The following OSBP variants were observed in gnomAD, a reference collection of about 807,000 sequenced individuals.
OSBP encodes the protein oxysterol binding protein.
Under a neutral mutation model 96.6 loss-of-function variants are expected in OSBP, and 32 were observed. The observed-to-expected ratio is 0.33, with a 90% confidence interval of 0.25 to 0.45. OSBP has a LOEUF of 0.45. Among genes scored for constraint, OSBP ranks in the 20% least tolerant of loss-of-function variants. The pLI, the probability that OSBP is intolerant of heterozygous loss-of-function variation, is 1.00. For missense variants in OSBP, 653 were observed against 1,029.7 expected, an observed-to-expected ratio of 0.63 and a Z score of 5.01; for synonymous variants, 369 against 389.6, an observed-to-expected ratio of 0.95 and a Z score of 0.62.
chr11:59,578,148 C>T lies in OSBP; in HGVS notation c.2060+1G>A. ...TGGGCAGCATGCATGCTGATACTCA[C>T]GGTAAAGGATTCCTTTTCCACAGCA... On this transcript the variant is annotated splice_donor_variant, in intron 12 of 13. Coordinates refer to ENST00000263847, the MANE Select transcript of OSBP (RefSeq NM_002556.3). LOFTEE classifies it high-confidence loss of function. 3 of 1,613,764 alleles carry T rather than the reference C, an allele frequency of 1.9e-6. No homozygotes were observed. Among genetic ancestry groups the T allele is most frequent in the Non-Finnish European group, 2.5e-6 (3 of 1,179,688 alleles).
At chr11:59,587,228 C>A (rs989272960) in intron 9 of OSBP, among the ~76,000 whole-genome samples, 14 of 152,074 alleles carry the variant, frequency 9.2e-5, no homozygotes, top group Non-Finnish European at 1.8e-4. Flanking sequence ...AGGCTGGGTA[C>A]GGCAGCTCAC....
Position 59,615,586 on chromosome 11 carries a change from G to T in OSBP, c.79C>A (p.Pro27Thr), listed in dbSNP as rs1322169645. ...CCGCCGCCTCCTCCCACCACTGGGG[G>T]ACCGGCGCCGCCGCCGCCAAGTGCT... is the stretch of plus-strand genomic sequence containing the variant. ...IAALGGGGAG[P>T]PVVGGGGGRG... is the part of the protein sequence containing the mutation. The change falls in exon 1 of 14, where the codon CCC (proline) becomes ACC (threonine). Residue 27 changes from proline to threonine, a missense_variant. Coordinates refer to ENST00000263847, the MANE Select transcript of OSBP (RefSeq NM_002556.3). 2.2e-6 allele frequency: 3 copies of T among 1,373,088 alleles called. No individual in the cohort carries two copies. Among genetic ancestry groups the T allele is most frequent in the African/African-American group, 1.5e-5 (1 of 66,496 alleles). 85.1% of individuals were successfully genotyped at this position (1,373,088 alleles called of 1,614,324 possible). A position where few individuals can be genotyped will look rare whatever the true frequency, so the allele number is the denominator to read the frequency against.
At chr11:59,605,307 G>A (rs1407515627) in intron 3 of OSBP, among the ~76,000 whole-genome samples, 1 of 152,128 alleles carries the variant, frequency 6.6e-6, no homozygotes, top group Non-Finnish European at 1.5e-5. Context: ...TCGACTAACA[G>A]TCAATTACCA....
At position 59,610,282 on chromosome 11, in the gene OSBP, G is replaced by C. The variant is rs1206394221; in HGVS notation, c.571+99C>G. On this transcript the variant is annotated intron_variant, in intron 2 of 13. Transcript: ENST00000263847. ...AGAAGCTTGAGACCTCTAGGAAATAGGTGATAATCAAATGACACAGCATAA... is the reference window on the plus strand; with the variant it reads ...AGAAGCTTGAGACCTCTAGGAAATACGTGATAATCAAATGACACAGCATAA... 8 of 996,628 alleles carry C rather than the reference G, an allele frequency of 8.0e-6. No individual in the cohort carries two copies. The East Asian group carries it at 1.2e-4, about 15-fold the overall frequency. The allele number at this position is 996,628 out of a possible 1,614,324, so 61.7% of individuals were successfully genotyped here.
chr11:59,585,161 G>A (rs887410644), intron 9 of OSBP, among the ~76,000 whole-genome samples: 5 of 151,206 alleles, frequency 3.3e-5, no homozygotes, highest in Non-Finnish European at 5.9e-5. Flanking sequence ...GAGCGTCTCT[G>A]CCCGGCCGCC....
intron 7 of OSBP, among the ~76,000 whole-genome samples, chr11:59,598,948 A>T (rs1233198412): frequency 6.6e-6 from 1 of 152,226 alleles, no homozygotes; most frequent in East Asian, 1.9e-4. Flanking sequence ...GCTAGCTGGA[A>T]TAAGGCTCTG....
Position 59,608,530 on chromosome 11 carries a change from T to C in OSBP, c.776A>G (p.Asn259Ser). 1 of 1,614,036 alleles carries C rather than the reference T, an allele frequency of 6.2e-7. No individual in the cohort carries two copies. The highest frequency in any genetic ancestry group is 8.5e-7 in the Non-Finnish European group (1 of 1,179,992). Residue 259 changes from asparagine (N) to serine (S), a missense_variant, in exon 3 of 14, where the codon AAC becomes AGC. By Grantham distance (46) the Asn-to-Ser change is conservative. Around this residue, in one of 6 missense-constraint regions of OSBP, gnomAD observed 308 missense variants for 573.1 expected, o/e 0.54. Transcript: ENST00000263847. ...TATCCTAAAGAGTGTGGCTCGTTCG[T>C]TGACCTGTTTGATCTTTTCATTGCT... ...AESNEKIKQV[N>S]ERATLFRITS...
chr11:59,602,860 T>C (rs1860739342), intron 3 of OSBP, among the ~76,000 whole-genome samples: 1 of 152,210 alleles, frequency 6.6e-6, no homozygotes, highest in South Asian at 2.1e-4. Context: ...ACTCAAGTGA[T>C]CTACCCATCT....
chr11:59,590,192 G>C (rs144931068), intron 9 of OSBP, among the ~76,000 whole-genome samples: 2 of 152,156 alleles, frequency 1.3e-5, no homozygotes, highest in African/African-American at 2.4e-5. Context: ...TCATGGCTAT[G>C]ACTTTTTCAA....
At chr11:59,585,011 C>T (rs1860477210) in intron 9 of OSBP, among the ~76,000 whole-genome samples, 1 of 152,192 alleles carries the variant, frequency 6.6e-6, no homozygotes, top group Non-Finnish European at 1.5e-5. Context: ...AGCCGCCTGC[C>T]TTGGCCTCCC....
rs781668649 is a variant in OSBP, at chr11:59,578,344, G to A, written c.1879-14C>T. On this transcript the variant is annotated splice_polypyrimidine_tract_variant and intron_variant, in intron 11 of 13. Coordinates refer to ENST00000263847, the MANE Select transcript of OSBP (RefSeq NM_002556.3). ...TTCCCCCGTCACCTGCAAGGGTGGA[G>A]AACAGGGCTTGGCTATATAGAATTC... The A allele has an allele frequency of 6.2e-7, 1 of 1,612,604 alleles. No homozygotes were observed. The highest frequency in any genetic ancestry group is 1.7e-5 in the Admixed American group (1 of 59,964).
At chr11:59,608,356 G>A in intron 3 of OSBP, 128 bp downstream of exon 3, 1 of 1,092,834 alleles carries the variant, frequency 9.2e-7, no homozygotes, top group South Asian at 1.4e-5. Context: ...GTAACTTAAA[G>A]CCCTTGACCA....
chr11:59,608,603 G>C lies in OSBP; in HGVS notation c.703C>G (p.Leu235Val). Residue 235 changes from leucine (L) to valine (V), a missense_variant, in exon 3 of 14, where the codon CTG (leucine) becomes GTG (valine). Physicochemically the swap from Leu to Val is conservative, Grantham distance 32 (BLOSUM62 1). This residue lies in a region of OSBP where 308 missense variants were observed against 573.1 expected (regional missense o/e 0.54). Coordinates refer to ENST00000263847, the MANE Select transcript of OSBP (RefSeq NM_002556.3). ...TCCAGCTCACTGAGAGAACGCTGCAGAGCTGTGCCATGCTTAGCTATCAAG... is the reference window on the plus strand; with the variant it reads ...TCCAGCTCACTGAGAGAACGCTGCACAGCTGTGCCATGCTTAGCTATCAAG... ...NDLIAKHGTA[L>V]QRSLSELESL... 6.2e-7 allele frequency: 1 copy of C among 1,614,186 alleles called. No homozygotes were observed. Among genetic ancestry groups the C allele is most frequent in the Non-Finnish European group, 8.5e-7 (1 of 1,180,018 alleles).
rs1019755520 is a variant in OSBP, at chr11:59,601,677, C to A, written c.984G>T (p.Leu328=). The part of the protein sequence containing the change: ...LERAFRGATV[L]PANTPGNVGS... Reference sequence around the variant, plus strand: ...CCACATTGCCAGGAGTGTTTGCCGGCAGCACCGTGGCTCCTCGGAAGGCCC... The same window carrying A: ...CCACATTGCCAGGAGTGTTTGCCGGAAGCACCGTGGCTCCTCGGAAGGCCC... Residue 328 remains leucine, a synonymous_variant, in exon 4 of 14, where the codon CTG becomes CTT. Coordinates refer to ENST00000263847, the MANE Select transcript of OSBP (RefSeq NM_002556.3). 6.2e-7 allele frequency: 1 copy of A among 1,613,010 alleles called. No individual in the cohort carries two copies. Among genetic ancestry groups the A allele is most frequent in the Non-Finnish European group, 8.5e-7 (1 of 1,180,022 alleles).
rs541045790 is a variant in OSBP at position 59,604,887 on chromosome 11, C to T, written c.823-3049G>A. Among the ~76,000 whole-genome samples the T allele has an allele frequency of 2.0e-5, 3 of 150,692 alleles. No homozygotes were observed. In the South Asian group the frequency reaches 6.3e-4, roughly 31 times the overall value. On this transcript the variant is annotated intron_variant, in intron 3 of 13. Transcript: ENST00000263847. ...AAAAGAAAAAGGCCGAGCACAGTGG[C>T]TCATGTCTGTAATCCCAGCACTTTG... is the stretch of plus-strand genomic sequence containing the variant.
intron 9 of OSBP, among the ~76,000 whole-genome samples, chr11:59,588,992 G>A (rs968783039): frequency 4.0e-5 from 6 of 151,566 alleles, no homozygotes; most frequent in East Asian, 1.9e-4. Flanking sequence ...GTGACAGAGC[G>A]AGACTCCGTC....
At chr11:59,601,222 A>C in intron 5 of OSBP, 61 bp downstream of exon 5, 4 of 948,478 alleles carry the variant, frequency 4.2e-6, no homozygotes, top group Non-Finnish European at 6.9e-6. Context: ...ATGATGCTAA[A>C]ATACCACCAT....
chr11:59,603,317 C>T (rs763553640), intron 3 of OSBP, among the ~76,000 whole-genome samples: 1 of 152,176 alleles, frequency 6.6e-6, no homozygotes, highest in Non-Finnish European at 1.5e-5. Context: ...GCAACGTAAG[C>T]TTAAAAATCT....
Position 59,609,060 on chromosome 11 carries a change from G to A in OSBP, c.572-326C>T, listed in dbSNP as rs567178938. Among the ~76,000 whole-genome samples the A allele has an allele frequency of 1.2e-4, 18 of 152,284 alleles. No individual in the cohort carries two copies. The South Asian group carries it at 3.7e-3, about 32-fold the overall frequency. Reference sequence around the variant, plus strand: ...CACACACTGAAGTTTGAAAACCACTGACCTACAATACAGAATGGAAAAGCT... The same window carrying A: ...CACACACTGAAGTTTGAAAACCACTAACCTACAATACAGAATGGAAAAGCT... On this transcript the variant is annotated intron_variant, in intron 2 of 13. Transcript: ENST00000263847.
Sources: gnomAD v4.1 joint callset for allele counts (sites outside exome capture counted in the v4.1 genomes callset) on GRCh38, gnomAD v4.1.1 for gene constraint, gnomAD v4.1.1 regional missense constraint, MANE v1.5 for transcripts, NCBI Gene and HGNC (gene_info 2026-07-23, HGNC 2026-07-21) for gene names.